PCCB: variants seen among roughly 807,000 people sequenced by gnomAD.
PCCB encodes propionyl-CoA carboxylase subunit beta, also known as propionyl-CoA carboxylase beta chain, mitochondrial.
A neutral mutation model predicts 60.7 loss-of-function variants in PCCB; 43 were observed. The observed-to-expected ratio is 0.71, with a 90% CI of 0.55 to 0.91. The LOEUF (loss-of-function observed/expected upper bound fraction) is 0.91, where lower values mean the gene tolerates loss of function less well. Among genes scored for constraint, PCCB ranks in the 40% least tolerant of loss-of-function variants. The pLI, the probability that PCCB is intolerant of heterozygous loss-of-function variation, is 0.00. For missense variants in PCCB, 766 were observed against 702.8 expected, an observed-to-expected ratio of 1.09 and a Z score of -1.02; for synonymous variants, 276 against 255.9, an observed-to-expected ratio of 1.08 and a Z score of -0.75.
intron 5 of PCCB, among the ~76,000 whole-genome samples, chr3:136,268,087 G>GATATATATATGTATAT (rs1942066218): frequency 1.1e-5 from 1 of 93,800 alleles, no homozygotes; most frequent in Non-Finnish European, 2.1e-5. Flanking sequence ...TGTGTGTGTA[G>GATATATATATGTATAT]ATATATATAT....
chr3:136,276,948 TC>T lies in PCCB; in HGVS notation c.544-6887del, dbSNP rs768445349. Among the ~76,000 whole-genome samples, 3 of 152,196 alleles carry T rather than the reference TC, an allele frequency of 2.0e-5. No individual in the cohort carries two copies. The South Asian group carries it at 6.2e-4, about 31-fold the overall frequency. The stretch of plus-strand genomic sequence containing the variant: ...TCCTCCTTCCCTTAGGAGTAAGAAT[TC>T]CTGAGAGCCAGGATAAGTTGATTGC... On this transcript the variant is annotated intron_variant, in intron 5 of 14. Transcript: ENST00000251654.
intron 1 of PCCB, among the ~76,000 whole-genome samples, chr3:136,253,476 C>T (rs940407182): frequency 6.6e-6 from 1 of 151,658 alleles, no homozygotes; most frequent in African/African-American, 2.4e-5. Flanking sequence ...CCTCTGCTTC[C>T]CAGGTTCAAG....
chr3:136,271,345 C>G (rs1230027628), intron 5 of PCCB, among the ~76,000 whole-genome samples: 1 of 151,876 alleles, frequency 6.6e-6, no homozygotes, highest in Non-Finnish European at 1.5e-5. Context: ...TTTTTTGGTT[C>G]CATATAAATT....
chr3:136,287,667 C>G (rs980170395), intron 6 of PCCB, among the ~76,000 whole-genome samples: 1 of 152,132 alleles, frequency 6.6e-6, no homozygotes, highest in African/African-American at 2.4e-5. Context: ...AACTCTTGGC[C>G]TCAAGTAATC....
chr3:136,259,282 C>T (rs1941759054), intron 3 of PCCB: 1 of 514,258 alleles, frequency 1.9e-6, no homozygotes, highest in African/African-American at 2.0e-5. Flanking sequence ...GCCTAGCCAA[C>T]ATGGCAAAAC....
At chr3:136,291,087 A>G (rs557300487) in intron 6 of PCCB, among the ~76,000 whole-genome samples, 77 of 152,084 alleles carry the variant, frequency 5.1e-4, no homozygotes, top group Non-Finnish European at 3.2e-4. Context: ...CTCTGCTTAC[A>G]TTGCTCATCT....
At chr3:136,281,931 T>G (rs1011686250) in intron 5 of PCCB, among the ~76,000 whole-genome samples, 1 of 152,174 alleles carries the variant, frequency 6.6e-6, no homozygotes, top group Non-Finnish European at 1.5e-5. Context: ...AATGTCTGTC[T>G]CCCAGAAGTG....
At chr3:136,300,984 C>G in intron 8 of PCCB, 46 bp from the exon 9 acceptor site, 1 of 1,431,048 alleles carries the variant, frequency 7.0e-7, no homozygotes, top group South Asian at 1.1e-5. Flanking sequence ...CAAAAGGTAA[C>G]TGGCTCTTCC....
chr3:136,313,879 C>A (rs1934769943), intron 9 of PCCB, among the ~76,000 whole-genome samples: 1 of 152,142 alleles, frequency 6.6e-6, no homozygotes, highest in Admixed American at 6.6e-5. Context: ...AGGGTAGTAG[C>A]AGCCAGATTC....
intron 3 of PCCB, chr3:136,259,151 T>C: frequency 6.8e-7 from 1 of 1,466,614 alleles, no homozygotes; most frequent in South Asian, 1.4e-5. Context: ...TGATTCTTGT[T>C]TTTTAACCTT....
At chr3:136,296,235 C>G (rs1057148734) in intron 7 of PCCB, among the ~76,000 whole-genome samples, 3 of 152,186 alleles carry the variant, frequency 2.0e-5, no homozygotes, top group Non-Finnish European at 4.4e-5. Context: ...AGAAGAAACC[C>G]TGTGCCCATT....
intron 9 of PCCB, among the ~76,000 whole-genome samples, chr3:136,309,780 C>T (rs1184305377): frequency 6.7e-6 from 1 of 149,094 alleles, no homozygotes. Context: ...CCAGCCTGGG[C>T]AACATAGTGA....
chr3:136,308,399 T>A (rs1934527175), intron 9 of PCCB, among the ~76,000 whole-genome samples: 1 of 151,994 alleles, frequency 6.6e-6, no homozygotes, highest in Non-Finnish European at 1.5e-5. Flanking sequence ...TAGTTCACAA[T>A]GATAATGTAA....
At chr3:136,319,189 A>T (rs1560029778) in intron 10 of PCCB, among the ~76,000 whole-genome samples, 1 of 151,980 alleles carries the variant, frequency 6.6e-6, no homozygotes, top group Non-Finnish European at 1.5e-5. Context: ...TCATGTGCTT[A>T]TTGGCCATTT....
chr3:136,309,128 C>T (rs992998931), intron 9 of PCCB, among the ~76,000 whole-genome samples: 5 of 151,684 alleles, frequency 3.3e-5, no homozygotes, highest in East Asian at 2.0e-4. Context: ...CTAGGCATGG[C>T]GGCATGTGCC....
At chr3:136,251,362 C>T (rs1389915747) in intron 1 of PCCB, 1 of 455,848 alleles carries the variant, frequency 2.2e-6, no homozygotes, top group South Asian at 1.5e-5. Flanking sequence ...GACCGTTGTG[C>T]TGAACGAATT....
intron 10 of PCCB, among the ~76,000 whole-genome samples, chr3:136,325,975 G>A (rs1335127181): frequency 4.6e-5 from 7 of 151,800 alleles, no homozygotes; most frequent in South Asian, 2.1e-4. Flanking sequence ...CACCACACCC[G>A]GCTAATTTTT....
At position 136,287,084 on chromosome 3, in the gene PCCB, A is replaced by G. The variant is rs536182783; in HGVS notation, c.654+3137A>G. On this transcript the variant is annotated intron_variant, in intron 6 of 14. Transcript: ENST00000251654. ...ACCCAGGTCAGGAAATAGCTCTTCA[A>G]GAGCCCTGTCATCATGATCCTTTCT... is the stretch of plus-strand genomic sequence containing the variant. 7.2e-5 allele frequency among the ~76,000 whole-genome samples: 11 copies of G among 152,006 alleles called. No individual in the cohort carries two copies. The South Asian group carries it at 2.3e-3, about 32-fold the overall frequency.
chr3:136,266,687 G>C (rs1185068957), intron 5 of PCCB, among the ~76,000 whole-genome samples: 1 of 152,118 alleles, frequency 6.6e-6, no homozygotes, highest in Non-Finnish European at 1.5e-5. Context: ...GCATCTTTAT[G>C]TACATATTAG....
Sources: gnomAD v4.1 joint callset for allele counts (sites outside exome capture counted in the v4.1 genomes callset) on GRCh38, gnomAD v4.1.1 for gene constraint, MANE v1.5 for transcripts, NCBI Gene and HGNC (gene_info 2026-07-23, HGNC 2026-07-21) for gene names.